Variants in KIAA0586 observed in about 807,000 individuals in gnomAD.
KIAA0586 encodes KIAA0586.
A neutral mutation model predicts 169.8 loss-of-function variants in KIAA0586; 144 were observed. The observed-to-expected ratio is 0.85, with a 90% CI of 0.74 to 0.97. The LOEUF (loss-of-function observed/expected upper bound fraction) is 0.97. Ranked by LOEUF, KIAA0586 falls within the 50% of genes least tolerant of loss-of-function variation. KIAA0586 has a pLI of 0.00. For synonymous variants in KIAA0586, 625 were observed against 612.4 expected (o/e 1.02, Z -0.30); for missense variants, 1,854 against 1,823.0 (o/e 1.02, Z -0.31).
intron 29 of KIAA0586, among the ~76,000 whole-genome samples, chr14:58,532,313 C>T (rs1300833367): frequency 6.6e-6 from 1 of 152,100 alleles, no homozygotes; most frequent in Non-Finnish European, 1.5e-5. Context: ...ACTTCTGTTT[C>T]TCTGGCTTAC....
intron 9 of KIAA0586, among the ~76,000 whole-genome samples, chr14:58,454,504 T>C (rs989065248): frequency 2.0e-5 from 3 of 152,212 alleles, no homozygotes; most frequent in Admixed American, 2.0e-4. Context: ...TTAACAGTAC[T>C]CTATTTCTTC....
chr14:58,461,201 T>G, intron 14 of KIAA0586, 41 bp downstream of exon 14: 1 of 1,358,342 alleles, frequency 7.4e-7, no homozygotes. Context: ...CATTTCTTAA[T>G]AGTATCAGTT....
chr14:58,514,193 T>C (rs1349901117), intron 29 of KIAA0586, among the ~76,000 whole-genome samples: 1 of 152,110 alleles, frequency 6.6e-6, no homozygotes, highest in African/African-American at 2.4e-5. Context: ...TTTTTCCCCA[T>C]AGATTTTGTG....
chr14:58,509,973 A>G (rs572861876), intron 28 of KIAA0586, among the ~76,000 whole-genome samples: 2 of 152,358 alleles, frequency 1.3e-5, no homozygotes, highest in Admixed American at 6.5e-5. Context: ...AGGAGCTCAC[A>G]TAACTCAATA....
rs369451699 is a variant in KIAA0586 at position 58,454,960 on chromosome 14, T to C, written c.1253+1487T>C. On this transcript the variant is annotated intron_variant, in intron 9 of 30. Coordinates refer to ENST00000652326, the MANE Select transcript of KIAA0586 (RefSeq NM_001329943.3). ...CTGTGGTTTCTGATGAGGAGTTGTA[T>C]GTTGGTGTGCTTGATGGTGTCCCAC... Among the ~76,000 whole-genome samples the C allele has an allele frequency of 3.3e-5, 5 of 152,324 alleles. 1 individual carries two copies. Among genetic ancestry groups the C allele is most frequent in the Non-Finnish European group, 1.5e-5 (1 of 68,032 alleles).
chr14:58,433,753 T>G (rs1256870481), intron 4 of KIAA0586, among the ~76,000 whole-genome samples: 1 of 152,174 alleles, frequency 6.6e-6, no homozygotes, highest in Non-Finnish European at 1.5e-5. Flanking sequence ...TGGTGGCTCA[T>G]GCCTGTAGTC....
chr14:58,442,678 T>C, intron 4 of KIAA0586, 28 bp from the exon 5 acceptor site: 1 of 1,447,758 alleles, frequency 6.9e-7, no homozygotes, highest in Non-Finnish European at 9.4e-7. Context: ...GTTTACTGAA[T>C]ACATTTTTAT....
At position 58,548,061 on chromosome 14, in the gene KIAA0586, A is replaced by G. The variant is rs867749021; in HGVS notation, c.*129A>G. Reference sequence around the variant, plus strand: ...GAAAAAAAAATTCCAATATTTTAAAATAAAACAAAAAGCATAATTTGGGTA... The same window carrying G: ...GAAAAAAAAATTCCAATATTTTAAAGTAAAACAAAAAGCATAATTTGGGTA... On this transcript the variant is annotated 3_prime_UTR_variant, in exon 31 of 31. Coordinates refer to ENST00000652326, the MANE Select transcript of KIAA0586 (RefSeq NM_001329943.3). 2.3e-5 allele frequency: 26 copies of G among 1,112,460 alleles called. No individual in the cohort carries two copies. Among genetic ancestry groups the G allele is most frequent in the Middle Eastern group, 4.1e-4 (2 of 4,820 alleles). 68.9% of individuals were successfully genotyped at this position (1,112,460 alleles called of 1,614,324 possible).
chr14:58,445,856 T>C (rs1463295399), intron 6 of KIAA0586, among the ~76,000 whole-genome samples: 1 of 151,822 alleles, frequency 6.6e-6, no homozygotes, highest in Non-Finnish European at 1.5e-5. Flanking sequence ...ATTTCCTTTT[T>C]TTTCTAATAT....
intron 29 of KIAA0586, among the ~76,000 whole-genome samples, chr14:58,533,521 A>G (rs2046108546): frequency 6.6e-6 from 1 of 152,250 alleles, no homozygotes; most frequent in South Asian, 2.1e-4. Flanking sequence ...TCTCTGGGGC[A>G]GGGGCCTGAC....
At position 58,471,608 on chromosome 14, in the gene KIAA0586, G is replaced by A. The variant is rs117431521; in HGVS notation, c.2554-591G>A. 3.0e-4 allele frequency among the ~76,000 whole-genome samples: 46 copies of A among 152,178 alleles called. No homozygotes were observed. The East Asian group carries it at 5.6e-3, about 19-fold the overall frequency. On this transcript the variant is annotated intron_variant, in intron 17 of 30. Transcript: ENST00000652326. ...CATAAGTAATGAAATAGAACTGTCC[G>A]TAAGTGACATTTGTGCTTAATTGAA...
At chr14:58,509,094 G>A (rs1055069090) in intron 28 of KIAA0586, among the ~76,000 whole-genome samples, 51 of 152,114 alleles carry the variant, frequency 3.4e-4, no homozygotes, top group African/African-American at 1.2e-3. Flanking sequence ...CTCGGCTCCT[G>A]TAGTTCCAGC....
chr14:58,486,927 A>G, intron 21 of KIAA0586, 80 bp from the exon 22 acceptor site: 1 of 1,158,452 alleles, frequency 8.6e-7, no homozygotes, highest in Non-Finnish European at 1.2e-6. Flanking sequence ...TATATAGTCT[A>G]TGAATGAGTT....
intron 29 of KIAA0586, among the ~76,000 whole-genome samples, chr14:58,522,652 C>CA (rs1555402656): frequency 6.6e-6 from 1 of 150,920 alleles, no homozygotes; most frequent in African/African-American, 2.4e-5. Context: ...AGGAAAAAAA[C>CA]AAAAAAAGAG....
chr14:58,555,027 C>T (rs1321370811), downstream of KIAA0586, among the ~76,000 whole-genome samples: 1 of 151,862 alleles, frequency 6.6e-6, no homozygotes, highest in Non-Finnish European at 1.5e-5. Flanking sequence ...AGTAGGAATT[C>T]CCTGTATTGG....
chr14:58,427,899 T>C lies in KIAA0586; in HGVS notation c.-366T>C, dbSNP rs2036969470. The C allele has an allele frequency of 1.5e-6, 2 of 1,366,542 alleles. No individual in the cohort carries two copies. Among genetic ancestry groups the C allele is most frequent in the Admixed American group, 5.9e-5 (2 of 34,134 alleles). 84.7% of individuals were successfully genotyped at this position (1,366,542 alleles called of 1,614,324 possible). On this transcript the variant is annotated 5_prime_UTR_variant, in exon 1 of 31. Coordinates refer to ENST00000652326, the MANE Select transcript of KIAA0586 (RefSeq NM_001329943.3). ...AAAATAGCATTTCGCTTTTATTTGC[T>C]TGACTGCCTCTTCTCAACAAATTTT... is the stretch of plus-strand genomic sequence containing the variant.
intron 27 of KIAA0586, among the ~76,000 whole-genome samples, chr14:58,499,764 G>T (rs2043425662): frequency 6.6e-6 from 1 of 150,444 alleles, no homozygotes; most frequent in South Asian, 2.1e-4. Flanking sequence ...TCACTATGTT[G>T]GCCAGGCTGG....
intron 20 of KIAA0586, among the ~76,000 whole-genome samples, chr14:58,482,151 C>T (rs762174379): frequency 1.6e-4 from 25 of 151,816 alleles, no homozygotes; most frequent in Non-Finnish European, 2.6e-4. Context: ...TCGGCCCAGG[C>T]GCAGTGGCTG....
chr14:58,474,511 G>C (rs1566856485), intron 18 of KIAA0586, 96 bp from the exon 19 acceptor site: 2 of 733,266 alleles, frequency 2.7e-6, no homozygotes, highest in African/African-American at 3.7e-5. Context: ...AATTTAGAAG[G>C]GTTTCTTAAT....
Sources: allele counts gnomAD v4.1 joint callset (sites outside exome capture counted in the v4.1 genomes callset), GRCh38; gene constraint gnomAD v4.1.1; transcripts MANE v1.5; gene names NCBI Gene and HGNC (gene_info 2026-07-23, HGNC 2026-07-21).